ISM1: variants seen among roughly 807,000 people sequenced by gnomAD.
The protein encoded by ISM1 is isthmin 1, also known as isthmin-1.
Under a neutral mutation model 46.3 loss-of-function variants are expected in ISM1, and 25 were observed. The observed-to-expected ratio is 0.54, with a 90% CI of 0.39 to 0.75. The LOEUF (loss-of-function observed/expected upper bound fraction) is 0.75. ISM1 is among the 30% of genes least tolerant of loss of function. The pLI is 0.00. For synonymous variants in ISM1, 255 were observed against 256.7 expected (o/e 0.99, Z 0.06); for missense variants, 536 against 625.4 (o/e 0.86, Z 1.52).
the ISM1 span, among the ~76,000 whole-genome samples, chr20:13,311,871 C>G: frequency 6.6e-6 from 1 of 152,074 alleles, no homozygotes; most frequent in Non-Finnish European, 1.5e-5. Context: ...ATTTATTGTA[C>G]AGCATGATGA....
chr20:13,230,737 T>A (rs1489756961), intron 1 of ISM1, among the ~76,000 whole-genome samples: 1 of 150,466 alleles, frequency 6.6e-6, no homozygotes, highest in Non-Finnish European at 1.5e-5. Context: ...AGCAAGGGAA[T>A]GTGTTGTAGA....
chr20:13,301,398 AGGCTGGTCTTGAACTCCT>A (rs2040457318), downstream of ISM1, among the ~76,000 whole-genome samples: 1 of 152,210 alleles, frequency 6.6e-6, no homozygotes, highest in South Asian at 2.1e-4. Flanking sequence ...CATGTTGGCC[AGGCTGGTCTTGAACTCCT>A]GGCCTCAAGT....
the ISM1 span, among the ~76,000 whole-genome samples, chr20:13,312,280 G>A: frequency 3.7e-3 from 560 of 152,218 alleles, no homozygotes; most frequent in African/African-American, 0.013. Context: ...GTTCACAGCC[G>A]GCATATGTGA....
At chr20:13,267,513 G>T (rs759248110) in intron 1 of ISM1, among the ~76,000 whole-genome samples, 3 of 152,116 alleles carry the variant, frequency 2.0e-5, no homozygotes, top group Non-Finnish European at 4.4e-5. Context: ...CCTGCGGGGA[G>T]GGTACAGGGC....
At chr20:13,271,010 A>T (rs1008375379) in intron 2 of ISM1, among the ~76,000 whole-genome samples, 1 of 152,260 alleles carries the variant, frequency 6.6e-6, no homozygotes, top group African/African-American at 2.4e-5. Context: ...TACAAGATAC[A>T]TACTAATTTA....
At position 13,298,985 on chromosome 20, in the gene ISM1, C is replaced by T. The variant is rs2040433798; in HGVS notation, c.921C>T (p.Phe307=). 1 of 1,613,414 alleles carries T rather than the reference C, an allele frequency of 6.2e-7. No individual in the cohort carries two copies. The highest frequency in any genetic ancestry group is 1.3e-5 in the African/African-American group (1 of 74,912). Residue 307 remains phenylalanine (F), a synonymous_variant, in exon 6 of 6, where the codon TTC becomes TTT. Transcript: ENST00000262487. ...GCTGGATGAGCTGCAAAAGCGAGTT[C>T]TTAAAGAAGTACATGCACAAGGTGA... The part of the protein sequence containing the change: ...CERWMSCKSE[F]LKKYMHKVMN...
chr20:13,255,925 GT>G (rs73615551), intron 1 of ISM1, among the ~76,000 whole-genome samples: 55,854 of 147,846 alleles, frequency 0.38, 10,719 homozygotes, highest in East Asian at 0.61. Flanking sequence ...AGTTCCTGGG[GT>G]TTTTTTTTTT....
chr20:13,321,154 A>T, the ISM1 span, among the ~76,000 whole-genome samples: 2 of 151,104 alleles, frequency 1.3e-5, no homozygotes, highest in African/African-American at 4.9e-5. Context: ...GTGAGCTGAG[A>T]TCATGCCACT....
chr20:13,228,219 C>T (rs568028814), intron 1 of ISM1, among the ~76,000 whole-genome samples: 15 of 152,058 alleles, frequency 9.9e-5, no homozygotes, highest in East Asian at 5.8e-4. Context: ...GTGATCTGCC[C>T]GTCCTGGCCT....
rs752266127 is a variant in ISM1 at position 13,299,066 on chromosome 20, G to C, written c.1002G>C (p.Thr334=). Residue 334 remains threonine (T), a synonymous_variant, in exon 6 of 6, where the codon ACG becomes ACC. Coordinates refer to ENST00000262487, the MANE Select transcript of ISM1 (RefSeq NM_080826.2). The surrounding 1 kb of genome is among the most constrained non-coding windows in gnomAD (Gnocchi z 5.8). ...ACCCCACTGAGGTGGCCTACAGCAC[G>C]GCCGACATCTTCGACCGCATCAAGC... is the stretch of plus-strand genomic sequence containing the variant. The part of the protein sequence containing the change: ...CSYPTEVAYS[T]ADIFDRIKRK... 3.7e-6 allele frequency: 6 copies of C among 1,613,670 alleles called. No individual in the cohort carries two copies. The highest frequency in any genetic ancestry group is 5.1e-6 in the Non-Finnish European group (6 of 1,179,844).
intron 3 of ISM1, among the ~76,000 whole-genome samples, chr20:13,285,150 G>T (rs1276360215): frequency 6.6e-6 from 1 of 152,084 alleles, no homozygotes; most frequent in Non-Finnish European, 1.5e-5. Flanking sequence ...CTTTGGCCAG[G>T]CATGTTGGCA....
In ISM1 at chr20:13,221,443, C is replaced by T. The variant is rs2039445372; in HGVS notation, c.-334C>T. On this transcript the variant is annotated 5_prime_UTR_variant, in exon 1 of 6. Transcript: ENST00000262487. ...CCTCCGGCCCGGCCCGGGTCCCGGG[C>T]TGTCCCGGGACCCAGTCTCCGTCTC... 6.9e-6 allele frequency among the ~76,000 whole-genome samples: 1 copy of T among 145,896 alleles called. No homozygotes were observed. The highest frequency in any genetic ancestry group is 1.5e-5 in the Non-Finnish European group (1 of 65,522).
the ISM1 span, among the ~76,000 whole-genome samples, chr20:13,320,888 A>G: frequency 6.6e-6 from 1 of 152,148 alleles, no homozygotes; most frequent in Non-Finnish European, 1.5e-5. Flanking sequence ...AGTGAGTTGC[A>G]TGAGGTGATG....
chr20:13,311,419 C>A, the ISM1 span, among the ~76,000 whole-genome samples: 2 of 152,176 alleles, frequency 1.3e-5, no homozygotes, highest in African/African-American at 4.8e-5. Context: ...TGTAATCTAG[C>A]AATCCCACTC....
intron 1 of ISM1, among the ~76,000 whole-genome samples, chr20:13,229,140 C>T (rs1339351304): frequency 6.9e-6 from 1 of 145,244 alleles, no homozygotes; most frequent in African/African-American, 2.6e-5. Context: ...CTTCTCTTCT[C>T]TCTCTCTCTC....
chr20:13,261,176 G>A (rs150489588), intron 1 of ISM1, among the ~76,000 whole-genome samples: 1,836 of 152,278 alleles, frequency 0.012, 29 homozygotes, highest in Non-Finnish European at 0.022. Flanking sequence ...CACTTTGAGA[G>A]GCTGAGTTGG....
At chr20:13,270,822 T>C (rs1474380214) in intron 2 of ISM1, 79 bp downstream of exon 2, 1 of 1,378,666 alleles carries the variant, frequency 7.3e-7, no homozygotes, top group Non-Finnish European at 1.0e-6. Flanking sequence ...TGGAAACTGC[T>C]GCCTTACCTC....
chr20:13,290,967 C>G (rs1016709580), intron 4 of ISM1, among the ~76,000 whole-genome samples: 7 of 152,206 alleles, frequency 4.6e-5, no homozygotes, highest in Non-Finnish European at 8.8e-5. Context: ...TCATTAAACT[C>G]TTTGGTCTTT....
chr20:13,318,440 G>A, the ISM1 span, among the ~76,000 whole-genome samples: 2 of 152,138 alleles, frequency 1.3e-5, no homozygotes, highest in East Asian at 1.9e-4. Context: ...GAAATTAAAC[G>A]TACGCTTACC....
Sources: gnomAD v4.1 joint callset for allele counts (sites outside exome capture counted in the v4.1 genomes callset) on GRCh38, gnomAD v4.1.1 for gene constraint, Gnocchi (gnomAD v3.1) non-coding constraint, MANE v1.5 for transcripts, NCBI Gene and HGNC (gene_info 2026-07-23, HGNC 2026-07-21) for gene names.